Variants in VPS54 observed in about 807,000 individuals in gnomAD.
VPS54 encodes the protein VPS54 subunit of GARP complex, also known as vacuolar protein sorting-associated protein 54.
Under a neutral mutation model 121.5 loss-of-function variants are expected in VPS54, and 45 were observed. The ratio of observed to expected loss-of-function variants is 0.37; its 90% CI spans 0.29 to 0.47. The LOEUF (loss-of-function observed/expected upper bound fraction) is 0.47. VPS54 is among the 20% of genes least tolerant of loss of function. The pLI is 0.99. For synonymous variants in VPS54, 371 were observed against 385.8 expected (o/e 0.96, Z 0.45); for missense variants, 1,090 against 1,131.4 (o/e 0.96, Z 0.52).
chr2:63,914,704 T>C (rs964407160), intron 16 of VPS54, among the ~76,000 whole-genome samples: 6 of 151,590 alleles, frequency 4.0e-5, no homozygotes, highest in African/African-American at 1.2e-4. Flanking sequence ...ATTACCAACA[T>C]AGTAGGTCCT....
intron 20 of VPS54, among the ~76,000 whole-genome samples, chr2:63,907,783 T>C (rs1371974978): frequency 6.6e-6 from 1 of 152,106 alleles, no homozygotes; most frequent in Non-Finnish European, 1.5e-5. Context: ...GAGCAGACAC[T>C]TTACCAAAGA....
intron 15 of VPS54, among the ~76,000 whole-genome samples, chr2:63,919,568 C>T (rs576211604): frequency 3.3e-5 from 5 of 152,146 alleles, no homozygotes; most frequent in Non-Finnish European, 5.9e-5. Flanking sequence ...AATTCCTTAA[C>T]CCTTCTAAGC....
At chr2:63,971,092 G>C (rs1049722501) in intron 4 of VPS54, among the ~76,000 whole-genome samples, 29 of 152,170 alleles carry the variant, frequency 1.9e-4, no homozygotes, top group African/African-American at 6.8e-4. Flanking sequence ...GTCCAAGCAA[G>C]AAACCTGGGA....
intron 10 of VPS54, among the ~76,000 whole-genome samples, chr2:63,944,021 T>C (rs937453026): frequency 2.6e-5 from 4 of 151,644 alleles, no homozygotes; most frequent in Non-Finnish European, 5.9e-5. Flanking sequence ...TGTGAGTCAA[T>C]GCGCCTGGCC....
intron 1 of VPS54, among the ~76,000 whole-genome samples, chr2:63,988,250 C>T (rs1434678762): frequency 6.6e-6 from 1 of 152,106 alleles, no homozygotes; most frequent in Non-Finnish European, 1.5e-5. Context: ...TTATGACATG[C>T]TTTTTAAGAA....
chr2:63,916,657 T>C (rs1450681894), intron 16 of VPS54, among the ~76,000 whole-genome samples: 1 of 152,110 alleles, frequency 6.6e-6, no homozygotes, highest in African/African-American at 2.4e-5. Context: ...TCTTGTTATA[T>C]GAGAAAAATC....
chr2:63,976,825 C>CTTTTTTTTTTTTTTTTTT (rs1174931536), intron 3 of VPS54, among the ~76,000 whole-genome samples: 2 of 89,680 alleles, frequency 2.2e-5, no homozygotes, highest in African/African-American at 8.3e-5. Context: ...TATATCTTCT[C>CTTTTTTTTTTTTTTTTTT]TTTTTTTTTT....
chr2:64,018,249 A>C (rs912362977), intron 1 of VPS54, among the ~76,000 whole-genome samples: 6 of 152,328 alleles, frequency 3.9e-5, no homozygotes, highest in African/African-American at 1.4e-4. Context: ...GTTAGAAGAA[A>C]AAAATTTTTT....
intron 1 of VPS54, among the ~76,000 whole-genome samples, chr2:64,008,102 T>C (rs993871074): frequency 4.0e-5 from 6 of 151,346 alleles, no homozygotes; most frequent in Middle Eastern, 3.2e-3. Flanking sequence ...AAGAAGCCAA[T>C]TGAAGGGTGA....
chr2:63,983,363 C>CTGA (rs1222716929), intron 2 of VPS54, among the ~76,000 whole-genome samples: 1 of 151,928 alleles, frequency 6.6e-6, no homozygotes, highest in Non-Finnish European at 1.5e-5. Flanking sequence ...GAACTCCCTC[C>CTGA]TGACCTCAAG....
intron 1 of VPS54, among the ~76,000 whole-genome samples, chr2:64,003,518 C>T (rs1183491264): frequency 1.3e-5 from 2 of 152,250 alleles, no homozygotes; most frequent in East Asian, 3.9e-4. Flanking sequence ...CTTGATGTTT[C>T]TGTTTTTCTG....
rs5831671 is a variant in VPS54 at position 63,892,729 on chromosome 2, CTTTTT to C, written c.*696_*700del. ...TAGTTGCATAAATAGATGCCAGGAT[CTTTTT>C]TTTTAAGTATTAATTACTTAAAAAA... On this transcript the variant is annotated 3_prime_UTR_variant, in exon 23 of 23. Transcript: ENST00000272322. The C allele has an allele frequency of 6.6e-6, 1 of 151,008 alleles. No individual in the cohort carries two copies. Among genetic ancestry groups the C allele is most frequent in the African/African-American group, 2.4e-5 (1 of 40,974 alleles). 9.4% of individuals were successfully genotyped at this position (151,008 alleles called of 1,614,324 possible). A position where few individuals can be genotyped will look rare whatever the true frequency, so the allele number is the denominator to read the frequency against.
chr2:63,913,074 A>G, intron 18 of VPS54, 149 bp downstream of exon 18: 1 of 606,442 alleles, frequency 1.6e-6, no homozygotes, highest in Non-Finnish European at 2.7e-6. Context: ...TTCAGTGATG[A>G]GTATACATAA....
intron 11 of VPS54, among the ~76,000 whole-genome samples, chr2:63,941,731 A>T (rs1459548486): frequency 1.3e-5 from 2 of 152,240 alleles, no homozygotes; most frequent in East Asian, 3.9e-4. Context: ...AGTGAATAAA[A>T]ATGTAAATAA....
In VPS54 at chr2:63,914,177, C is replaced by T. The variant is rs1212519811; in HGVS notation, c.2334+5G>A. 1 of 1,602,830 alleles carries T rather than the reference C, an allele frequency of 6.2e-7. No individual in the cohort carries two copies. Among genetic ancestry groups the T allele is most frequent in the Non-Finnish European group, 8.5e-7 (1 of 1,170,376 alleles). On this transcript the variant is annotated splice_donor_5th_base_variant and intron_variant, in intron 17 of 22. Coordinates refer to ENST00000272322, the MANE Select transcript of VPS54 (RefSeq NM_016516.3). ...TTTTCCATAATGGAGTGAAGTCATA[C>T]ATACCTTCAATAAATCTGACAGACG...
At chr2:64,004,012 A>G (rs560558813) in intron 1 of VPS54, among the ~76,000 whole-genome samples, 2 of 152,358 alleles carry the variant, frequency 1.3e-5, no homozygotes, top group South Asian at 4.1e-4. Flanking sequence ...TGTGTCAGAA[A>G]GCAAGATATG....
chr2:63,941,804 C>G (rs527598031), intron 11 of VPS54, among the ~76,000 whole-genome samples: 39 of 152,116 alleles, frequency 2.6e-4, no homozygotes, highest in South Asian at 6.2e-4. Flanking sequence ...GAGGCAGAGG[C>G]GGGCAGATCA....
At position 63,941,854 on chromosome 2, in the gene VPS54, T is replaced by C. The variant is rs191445373; in HGVS notation, c.1398+611A>G. Reference sequence around the variant, plus strand: ...TTCGAGACCAGCCTGGCCAACATGGTGAAACCCCATCTCTACTAAACATGC... The same window carrying C: ...TTCGAGACCAGCCTGGCCAACATGGCGAAACCCCATCTCTACTAAACATGC... On this transcript the variant is annotated intron_variant, in intron 11 of 22. Transcript: ENST00000272322. Among the ~76,000 whole-genome samples, 169 of 151,822 alleles carry C rather than the reference T, an allele frequency of 1.1e-3. 1 individual carries two copies. Among genetic ancestry groups the C allele is most frequent in the African/African-American group, 3.8e-3 (159 of 41,410 alleles).
At chr2:63,925,460 A>C (rs1203917945) in intron 12 of VPS54, among the ~76,000 whole-genome samples, 1 of 152,224 alleles carries the variant, frequency 6.6e-6, no homozygotes, top group Non-Finnish European at 1.5e-5. Flanking sequence ...ACTTTGAGAA[A>C]TTGTTAGGCA....
Sources: gnomAD v4.1 joint callset for allele counts (sites outside exome capture counted in the v4.1 genomes callset) on GRCh38, gnomAD v4.1.1 for gene constraint, MANE v1.5 for transcripts, NCBI Gene and HGNC (gene_info 2026-07-23, HGNC 2026-07-21) for gene names.